AAMDC: variants seen among roughly 807,000 people sequenced by gnomAD.
AAMDC encodes the protein mth938 domain-containing protein.
Under a neutral mutation model 15.5 loss-of-function variants are expected in AAMDC, and 16 were observed. The observed-to-expected ratio is 1.03, with a 90% CI of 0.70 to 1.57. AAMDC has a LOEUF of 1.57. AAMDC is among the 40% of genes most tolerant of loss of function. AAMDC has a pLI of 0.00. For missense variants in AAMDC, 141 were observed against 144.9 expected (o/e 0.97, Z 0.14); for synonymous variants, 51 against 51.6 (o/e 0.99, Z 0.05).
At chr11:77,878,923 C>T (rs985297516) in intron 5 of AAMDC, 1 of 1,597,150 alleles carries the variant, frequency 6.3e-7, no homozygotes, top group African/African-American at 1.3e-5. Context: ...GCCCTCTAGG[C>T]CACGGTTGGG....
At chr11:77,837,008 C>T (rs1049589342) in intron 1 of AAMDC, among the ~76,000 whole-genome samples, 3 of 152,224 alleles carry the variant, frequency 2.0e-5, no homozygotes, top group African/African-American at 7.2e-5. Flanking sequence ...TGTTTGTCTT[C>T]TCTACTGTAG....
chr11:77,881,956 G>C (rs1416343581), intron 5 of AAMDC, among the ~76,000 whole-genome samples: 2 of 151,464 alleles, frequency 1.3e-5, no homozygotes, highest in Non-Finnish European at 2.9e-5. Context: ...CTGTTACCCA[G>C]GCTGGAGTGT....
chr11:77,855,720 C>CTTTTTTTTTTTTT lies in AAMDC; in HGVS notation c.132+13097_132+13109dup, dbSNP rs374235923. ...TTAAATGTAAGTTCCAGTTTTATGT[C>CTTTTTTTTTTTTT]TTTTTTTTTTTTTTTTTGCTCAAGA... On this transcript the variant is annotated intron_variant, in intron 2 of 3. Transcript: ENST00000393427. 1.6e-5 allele frequency among the ~76,000 whole-genome samples: 2 copies of CTTTTTTTTTTTTT among 127,978 alleles called. 1 individual carries two copies. Among genetic ancestry groups the CTTTTTTTTTTTTT allele is most frequent in the Non-Finnish European group, 3.2e-5 (2 of 63,220 alleles). The allele number at this position is 127,978 out of a possible 152,430, so 84.0% of individuals were successfully genotyped here.
intron 2 of AAMDC, among the ~76,000 whole-genome samples, chr11:77,844,094 C>T (rs1054761209): frequency 6.6e-6 from 1 of 152,046 alleles, no homozygotes; most frequent in African/African-American, 2.4e-5. Context: ...GGTGGGGACA[C>T]AGCCAAACTG....
chr11:77,881,622 T>G (rs1199172322), intron 5 of AAMDC, among the ~76,000 whole-genome samples: 1 of 152,220 alleles, frequency 6.6e-6, no homozygotes, highest in Non-Finnish European at 1.5e-5. Flanking sequence ...TGAATTTTTA[T>G]TGCACATTTA....
downstream of AAMDC, among the ~76,000 whole-genome samples, chr11:77,904,177 C>T (rs760934507): frequency 6.6e-6 from 1 of 152,196 alleles, no homozygotes; most frequent in South Asian, 2.1e-4. Flanking sequence ...CTCACCTATC[C>T]ATCCACATGA....
At chr11:77,842,896 G>A (rs572977577) in intron 2 of AAMDC, among the ~76,000 whole-genome samples, 3 of 152,274 alleles carry the variant, frequency 2.0e-5, no homozygotes, top group African/African-American at 7.2e-5. Context: ...ACCTCAGAAA[G>A]GAACCACATA....
chr11:77,872,249 G>A lies in AAMDC; in HGVS notation c.303G>A (p.Val101=). Residue 101 remains valine (V), a synonymous_variant, in exon 4 of 4, where the codon GTG becomes GTA. Transcript: ENST00000393427. The part of the protein sequence containing the change: ...DVRVLQTEQA[V]KEYNALVAQG... ...GGGTCCTCCAGACAGAGCAGGCAGT[G>A]AAGGAGTATAATGCCTTGGTTGCCC... The A allele has an allele frequency of 1.2e-6, 2 of 1,613,830 alleles. No individual in the cohort carries two copies. Among genetic ancestry groups the A allele is most frequent in the Non-Finnish European group, 1.7e-6 (2 of 1,179,878 alleles).
At chr11:77,897,811 T>C (rs928121335) in intron 5 of AAMDC, among the ~76,000 whole-genome samples, 21 of 151,696 alleles carry the variant, frequency 1.4e-4, no homozygotes, top group Non-Finnish European at 2.6e-4. Flanking sequence ...AGCCATATTA[T>C]TGTTATTATT....
chr11:77,828,528 G>A (rs540355945), intron 1 of AAMDC, among the ~76,000 whole-genome samples: 11 of 151,772 alleles, frequency 7.2e-5, no homozygotes, highest in East Asian at 5.8e-4. Flanking sequence ...AAAATTAGCC[G>A]GGTGGGGTAG....
intron 2 of AAMDC, chr11:77,868,674 TTTGTTGTTG>T (rs575076133): frequency 5.9e-6 from 1 of 170,350 alleles, no homozygotes; most frequent in Admixed American, 6.1e-5. Flanking sequence ...TCCAGAGGTT[TTTGTTGTTG>T]TTGTTGTTGT....
At chr11:77,822,206 G>A (rs1445241077) in intron 1 of AAMDC, among the ~76,000 whole-genome samples, 3 of 151,962 alleles carry the variant, frequency 2.0e-5, no homozygotes, top group African/African-American at 7.3e-5. Flanking sequence ...TTGGGAAACC[G>A]AGGTGGGTGC....
intron 5 of AAMDC, among the ~76,000 whole-genome samples, chr11:77,878,243 T>C (rs993636769): frequency 1.3e-5 from 2 of 151,682 alleles, no homozygotes; most frequent in Admixed American, 6.6e-5. Flanking sequence ...GCGCCTGTAG[T>C]CCCACCTACT....
chr11:77,832,583 C>T (rs1949483888), intron 1 of AAMDC, among the ~76,000 whole-genome samples: 1 of 152,006 alleles, frequency 6.6e-6, no homozygotes, highest in Admixed American at 6.6e-5. Flanking sequence ...GCCTCAGCCT[C>T]CCAAAGTACT....
At chr11:77,869,638 T>C in intron 2 of AAMDC, 84 bp from the exon 3 acceptor site, 1 of 1,336,734 alleles carries the variant, frequency 7.5e-7, no homozygotes, top group Non-Finnish European at 1.1e-6. Context: ...TAGACATTTC[T>C]TGAATGAATG....
chr11:77,852,625 T>C (rs1037513068), intron 2 of AAMDC, among the ~76,000 whole-genome samples: 6 of 152,216 alleles, frequency 3.9e-5, no homozygotes, highest in Non-Finnish European at 8.8e-5. Flanking sequence ...AAAGTCTTAT[T>C]CACCTCCCTA....
intron 3 of AAMDC, 170 bp downstream of exon 3, chr11:77,869,987 T>C: frequency 1.8e-6 from 1 of 542,604 alleles, no homozygotes; most frequent in Non-Finnish European, 3.3e-6. Context: ...AGCGTTGGGC[T>C]CTCCAGTCTA....
At chr11:77,896,667 AAAG>A (rs1485258177) in intron 5 of AAMDC, among the ~76,000 whole-genome samples, 10 of 151,872 alleles carry the variant, frequency 6.6e-5, no homozygotes, top group Admixed American at 2.0e-4. Context: ...AAAAAAAAAA[AAAG>A]AATTTACTCA....
chr11:77,859,720 T>C (rs544779375), intron 2 of AAMDC, among the ~76,000 whole-genome samples: 92 of 152,210 alleles, frequency 6.0e-4, no homozygotes, highest in Non-Finnish European at 1.1e-3. Flanking sequence ...AGGGAACCCC[T>C]AAAAGGTCCC....
Sources: gnomAD v4.1 joint callset for allele counts (sites outside exome capture counted in the v4.1 genomes callset) on GRCh38, gnomAD v4.1.1 for gene constraint, MANE v1.5 for transcripts, NCBI Gene and HGNC (gene_info 2026-07-23, HGNC 2026-07-21) for gene names.